PLCL2: variants seen among roughly 807,000 people sequenced by gnomAD.
PLCL2 encodes the protein inactive phospholipase C-like protein 2.
A neutral mutation model predicts 79.6 loss-of-function variants in PLCL2; 4 were observed. The observed-to-expected ratio is 0.05, with a 90% CI of 0.02 to 0.11. The LOEUF is 0.11. PLCL2 is among the 10% of genes least tolerant of loss of function. The pLI is 1.00. For synonymous variants in PLCL2, 484 were observed against 457.7 expected (o/e 1.06, Z -0.73); for missense variants, 895 against 1,291.0 (o/e 0.69, Z 4.70).
chr3:17,080,236 T>G (rs1211048485), intron 5 of PLCL2, among the ~76,000 whole-genome samples: 2 of 152,124 alleles, frequency 1.3e-5, no homozygotes, highest in Non-Finnish European at 2.9e-5. Context: ...TGCTGTAGGT[T>G]TAGGTGACTG....
chr3:16,941,914 A>T (rs1330310311), intron 1 of PLCL2, among the ~76,000 whole-genome samples: 1 of 151,750 alleles, frequency 6.6e-6, no homozygotes. Context: ...CTATACTGAG[A>T]TTATCTGTTC....
intron 3 of PLCL2, chr3:17,035,627 G>A: frequency 2.9e-6 from 1 of 346,092 alleles, no homozygotes; most frequent in South Asian, 2.5e-5. Context: ...CTTGTTCATG[G>A]TTCTGAAATT....
At chr3:17,086,937 AAAC>A (rs1390115690) in intron 5 of PLCL2, among the ~76,000 whole-genome samples, 3 of 152,378 alleles carry the variant, frequency 2.0e-5, no homozygotes, top group African/African-American at 7.2e-5. Flanking sequence ...TTATATATTA[AAAC>A]AACAATGAGA....
chr3:17,089,283 C>T (rs550080505), intron 5 of PLCL2, among the ~76,000 whole-genome samples: 3 of 152,292 alleles, frequency 2.0e-5, no homozygotes, highest in South Asian at 4.1e-4. Context: ...TTATGTGAGA[C>T]ATAACCATTG....
intron 1 of PLCL2, among the ~76,000 whole-genome samples, chr3:17,006,714 C>T (rs753032883): frequency 4.6e-5 from 7 of 152,142 alleles, no homozygotes; most frequent in Non-Finnish European, 8.8e-5. Context: ...CATGTGTCTG[C>T]AATTGATAAC....
chr3:17,012,025 C>T lies in PLCL2; in HGVS notation c.2679C>T (p.Gly893=). ...RRGGGKPHKR[G]LSVRKGKKSR... is the part of the protein sequence containing the mutation. Reference sequence around the variant, plus strand: ...GAGGAGGAAAGCCTCATAAAAGGGGCCTTTCTGTGAGAAAAGGGAAGAAAT... The same window carrying T: ...GAGGAGGAAAGCCTCATAAAAGGGGTCTTTCTGTGAGAAAAGGGAAGAAAT... The change falls in exon 2 of 6, where the codon GGC becomes GGT. Residue 893 remains glycine, a synonymous_variant. Transcript: ENST00000615277. 2 of 1,614,124 alleles carry T rather than the reference C, an allele frequency of 1.2e-6. No homozygotes were observed. Among genetic ancestry groups the T allele is most frequent in the Non-Finnish European group, 1.7e-6 (2 of 1,180,002 alleles).
intron 1 of PLCL2, among the ~76,000 whole-genome samples, chr3:16,967,691 A>G (rs1188321393): frequency 1.3e-5 from 2 of 151,930 alleles, no homozygotes; most frequent in African/African-American, 4.8e-5. Flanking sequence ...GTGTGCAAAT[A>G]TTTTCTCTCA....
At chr3:17,038,852 C>G (rs2064687920) in intron 3 of PLCL2, among the ~76,000 whole-genome samples, 1 of 152,138 alleles carries the variant, frequency 6.6e-6, no homozygotes, top group Non-Finnish European at 1.5e-5. Context: ...GTGCAGTTGC[C>G]ACTCATGTGT....
chr3:17,015,607 A>G (rs140910827), intron 3 of PLCL2, among the ~76,000 whole-genome samples: 5 of 152,026 alleles, frequency 3.3e-5, no homozygotes, highest in Admixed American at 2.6e-4. Flanking sequence ...TGACTCTTCA[A>G]CCTATCAGGG....
chr3:16,895,490 G>C (rs919083288), intron 1 of PLCL2, among the ~76,000 whole-genome samples: 9 of 152,150 alleles, frequency 5.9e-5, no homozygotes, highest in Non-Finnish European at 1.3e-4. Context: ...CCACTGCACT[G>C]CATTGGTCTT....
At chr3:17,067,644 C>A (rs2065023275) in intron 4 of PLCL2, among the ~76,000 whole-genome samples, 1 of 152,214 alleles carries the variant, frequency 6.6e-6, no homozygotes, top group Non-Finnish European at 1.5e-5. Flanking sequence ...TTTCTGCTCC[C>A]TTGGCAGCTT....
chr3:16,885,057 G>T lies in PLCL2; in HGVS notation c.18G>T (p.Arg6=), dbSNP rs1284840111. ...GGGCGCCCATGGCGGAGTGCGGCCG[G>T]GGGGGCGCCGCCGGCGGGGCCCTGC... MAECG[R]GGAAGGALPT... is the part of the protein sequence containing the mutation. The change falls in exon 1 of 6, where the codon CGG becomes CGT. Residue 6 remains arginine, a synonymous_variant. Transcript: ENST00000615277. 7 of 371,544 alleles carry T rather than the reference G, an allele frequency of 1.9e-5. No homozygotes were observed. The highest frequency in any genetic ancestry group is 7.0e-4 in the Middle Eastern group (1 of 1,424). The allele number at this position is 371,544 out of a possible 1,614,324, so 23.0% of individuals were successfully genotyped here. A position where few individuals can be genotyped will look rare whatever the true frequency, so the allele number is the denominator to read the frequency against.
chr3:17,057,355 C>G (rs1356020907), intron 4 of PLCL2, among the ~76,000 whole-genome samples: 1 of 152,120 alleles, frequency 6.6e-6, no homozygotes, highest in Non-Finnish European at 1.5e-5. Context: ...GAAACTGTTA[C>G]AAGCAGTGAG....
chr3:16,921,481 A>T (rs1697123547), intron 1 of PLCL2, among the ~76,000 whole-genome samples: 2 of 152,194 alleles, frequency 1.3e-5, no homozygotes, highest in Admixed American at 1.3e-4. Context: ...ATTATTGAAC[A>T]CATGAGCTGA....
chr3:16,905,847 G>A (rs1484383459), intron 1 of PLCL2, among the ~76,000 whole-genome samples: 1 of 152,188 alleles, frequency 6.6e-6, no homozygotes, highest in African/African-American at 2.4e-5. Context: ...CTGGAGGGAG[G>A]TAATTGAGAG....
chr3:16,903,847 A>T (rs959911987), intron 1 of PLCL2, among the ~76,000 whole-genome samples: 1 of 152,214 alleles, frequency 6.6e-6, no homozygotes, highest in African/African-American at 2.4e-5. Context: ...AAGGTTGCTG[A>T]CATTTCTTCT....
chr3:16,981,294 TTTTAA>T (rs1205429096), intron 1 of PLCL2, among the ~76,000 whole-genome samples: 1 of 152,256 alleles, frequency 6.6e-6, no homozygotes, highest in African/African-American at 2.4e-5. Context: ...TTACTTTCCA[TTTTAA>T]TTTAAGTGAA....
chr3:17,070,143 CAGCAA>C (rs2065048832), intron 5 of PLCL2, among the ~76,000 whole-genome samples: 2 of 152,156 alleles, frequency 1.3e-5, no homozygotes, highest in South Asian at 4.1e-4. Context: ...GTCCGGGAAC[CAGCAA>C]CCTGGGCCTC....
chr3:16,965,122 C>T (rs75925724), intron 1 of PLCL2, among the ~76,000 whole-genome samples: 40,540 of 151,518 alleles, frequency 0.27, 5,921 homozygotes, highest in East Asian at 0.55. Context: ...TGGTATTGCC[C>T]AGGTTTTCTT....
Sources: allele counts gnomAD v4.1 joint callset (sites outside exome capture counted in the v4.1 genomes callset), GRCh38; gene constraint gnomAD v4.1.1; transcripts MANE v1.5; gene names NCBI Gene and HGNC (gene_info 2026-07-23, HGNC 2026-07-21).